RSPO3: variants seen among roughly 807,000 people sequenced by gnomAD.
RSPO3 encodes the protein R-spondin 3, also known as R-spondin-3.
In RSPO3, 17 loss-of-function variants were observed where a neutral mutation model predicts 36.5. The ratio of observed to expected loss-of-function variants is 0.47; its 90% CI spans 0.32 to 0.70. The LOEUF is 0.70. Among genes scored for constraint, RSPO3 ranks in the 30% least tolerant of loss-of-function variants. The pLI is 0.04. For synonymous variants in RSPO3, 108 were observed against 107.0 expected, an observed-to-expected ratio of 1.01 and a Z score of -0.06; for missense variants, 294 against 322.5, an observed-to-expected ratio of 0.91 and a Z score of 0.68.
chr6:127,190,371 T>C (rs1052174494), intron 4 of RSPO3, among the ~76,000 whole-genome samples: 1 of 152,094 alleles, frequency 6.6e-6, no homozygotes, highest in South Asian at 2.1e-4. Context: ...GAGGTTGCAG[T>C]GAGCCAGGAC....
At chr6:127,139,330 G>C (rs1774222748) in intron 1 of RSPO3, among the ~76,000 whole-genome samples, 1 of 152,126 alleles carries the variant, frequency 6.6e-6, no homozygotes, top group Non-Finnish European at 1.5e-5. Flanking sequence ...TCAGCCATCA[G>C]ATATGCTACT....
In RSPO3 at chr6:127,155,339, A is replaced by C; in HGVS notation, c.535A>C (p.Ile179Leu). Residue 179 changes from isoleucine (I) to leucine (L), a missense_variant, in exon 4 of 5, where the codon ATA becomes CTA. Around this residue, in one of 3 missense-constraint regions of RSPO3, gnomAD observed 190 missense variants for 185.2 expected, o/e 1.03. Transcript: ENST00000356698. ...KRGTETRVRE[I>L]IQHPSAKGNL... ...AGGGACTGAAACACGGGTCCGAGAA[A>C]TAATACAGCATCCTTCAGCAAAGGG... The C allele has an allele frequency of 6.2e-7, 1 of 1,614,002 alleles. No individual in the cohort carries two copies. The highest frequency in any genetic ancestry group is 8.5e-7 in the Non-Finnish European group (1 of 1,179,926).
intron 1 of RSPO3, among the ~76,000 whole-genome samples, chr6:127,128,557 T>C (rs1773988337): frequency 2.0e-5 from 3 of 152,078 alleles, no homozygotes; most frequent in Admixed American, 2.0e-4. Context: ...CTGAAAACCA[T>C]GCCAGTTTTG....
chr6:127,164,355 C>A (rs913219729), intron 4 of RSPO3, among the ~76,000 whole-genome samples: 2 of 152,058 alleles, frequency 1.3e-5, no homozygotes, highest in African/African-American at 4.8e-5. Context: ...ACAAAACTTA[C>A]CAAATCTAGA....
At chr6:127,136,189 T>C (rs1266896849) in intron 1 of RSPO3, among the ~76,000 whole-genome samples, 1 of 152,156 alleles carries the variant, frequency 6.6e-6, no homozygotes, top group Non-Finnish European at 1.5e-5. Context: ...GCTCTATGGA[T>C]CCTCTGCCAA....
intron 1 of RSPO3, among the ~76,000 whole-genome samples, chr6:127,140,953 C>A (rs1412309913): frequency 1.3e-5 from 2 of 152,152 alleles, no homozygotes; most frequent in African/African-American, 2.4e-5. Flanking sequence ...AAAGGTTCTT[C>A]CCTGACATGT....
At chr6:127,167,970 A>G (rs1431809302) in intron 4 of RSPO3, among the ~76,000 whole-genome samples, 2 of 152,060 alleles carry the variant, frequency 1.3e-5, no homozygotes, top group Non-Finnish European at 2.9e-5. Context: ...ATAGTATTCC[A>G]TGGTGTATAT....
At chr6:127,150,395 C>T in intron 2 of RSPO3, 31 bp from the exon 3 acceptor site, 1 of 1,595,544 alleles carries the variant, frequency 6.3e-7, no homozygotes, top group East Asian at 2.2e-5. Context: ...GAACATAATG[C>T]AAGCATATTT....
At chr6:127,185,551 G>C (rs1775276226) in intron 4 of RSPO3, among the ~76,000 whole-genome samples, 2 of 152,056 alleles carry the variant, frequency 1.3e-5, no homozygotes, top group Non-Finnish European at 1.5e-5. Flanking sequence ...ATAAAGAGCT[G>C]AAAACATTAA....
intron 4 of RSPO3, among the ~76,000 whole-genome samples, chr6:127,184,673 C>G (rs1444431630): frequency 2.0e-5 from 3 of 151,898 alleles, no homozygotes; most frequent in Admixed American, 6.6e-5. Context: ...GGGTACAAGT[C>G]TTAATATGCT....
intron 1 of RSPO3, among the ~76,000 whole-genome samples, chr6:127,129,311 T>C (rs1272434033): frequency 6.6e-6 from 1 of 152,102 alleles, no homozygotes; most frequent in Non-Finnish European, 1.5e-5. Context: ...GAGTCTTTTT[T>C]AGTCCATGAA....
intron 4 of RSPO3, among the ~76,000 whole-genome samples, chr6:127,190,077 A>G (rs1311844025): frequency 5.3e-5 from 8 of 152,184 alleles, no homozygotes; most frequent in African/African-American, 1.7e-4. Flanking sequence ...AAAAGAAAAA[A>G]GTCATACTAT....
rs567850369 is a variant in RSPO3 at position 127,192,277 on chromosome 6, G to A, written c.635-3546G>A. 3.9e-5 allele frequency among the ~76,000 whole-genome samples: 6 copies of A among 152,132 alleles called. No individual in the cohort carries two copies. The South Asian group carries it at 8.3e-4, about 21-fold the overall frequency. On this transcript the variant is annotated intron_variant, in intron 4 of 4. Transcript: ENST00000356698. ...TCACACATTTTTGGCACAGAGTAGG[G>A]GCTTTGTTCATGTTTGTGCAAGGGG...
At chr6:127,139,346 A>C (rs1479822391) in intron 1 of RSPO3, among the ~76,000 whole-genome samples, 1 of 152,170 alleles carries the variant, frequency 6.6e-6, no homozygotes, top group Non-Finnish European at 1.5e-5. Flanking sequence ...CTACTTTAGC[A>C]TGCTATGTAG....
intron 4 of RSPO3, among the ~76,000 whole-genome samples, chr6:127,185,529 C>T (rs1038065218): frequency 6.6e-6 from 1 of 152,066 alleles, no homozygotes; most frequent in Non-Finnish European, 1.5e-5. Context: ...ATCATCTTTA[C>T]ATATGTAGCT....
At chr6:127,179,736 T>C (rs2114630117) in intron 4 of RSPO3, among the ~76,000 whole-genome samples, 1 of 151,992 alleles carries the variant, frequency 6.6e-6, no homozygotes, top group South Asian at 2.1e-4. Flanking sequence ...GCTGTGTTCC[T>C]TTTTGGCAAC....
chr6:127,140,810 T>C (rs1320100813), intron 1 of RSPO3, among the ~76,000 whole-genome samples: 2 of 152,148 alleles, frequency 1.3e-5, no homozygotes, highest in Non-Finnish European at 2.9e-5. Flanking sequence ...GTACCTGTCA[T>C]GTTGCTCCTT....
chr6:127,195,700 AG>A (rs1446781895), intron 4 of RSPO3, 122 bp from the exon 5 acceptor site: 101 of 635,934 alleles, frequency 1.6e-4, no homozygotes, highest in Middle Eastern at 1.3e-3. Context: ...TTGAAATAGT[AG>A]ATATTTAGTA....
intron 1 of RSPO3, among the ~76,000 whole-genome samples, chr6:127,123,332 C>G (rs926576228): frequency 3.3e-5 from 5 of 152,130 alleles, no homozygotes; most frequent in African/African-American, 1.2e-4. Context: ...TCACACTTGT[C>G]TACGTTTCTC....
Sources: allele counts gnomAD v4.1 joint callset (sites outside exome capture counted in the v4.1 genomes callset), GRCh38; gene constraint gnomAD v4.1.1; regional missense constraint gnomAD v4.1.1; transcripts MANE v1.5; gene names NCBI Gene and HGNC (gene_info 2026-07-23, HGNC 2026-07-21).